The following CTTNBP2 variants were observed in gnomAD, a reference collection of about 807,000 sequenced individuals.
CTTNBP2 encodes cortactin binding protein 2.
A neutral mutation model predicts 156.9 loss-of-function variants in CTTNBP2; 108 were observed. The observed-to-expected ratio is 0.69, with a 90% CI of 0.59 to 0.81. CTTNBP2 has a LOEUF of 0.81. CTTNBP2 is among the 30% of genes least tolerant of loss of function. The pLI is 0.00. For missense variants in CTTNBP2, 1,924 were observed against 2,035.4 expected, an observed-to-expected ratio of 0.95 and a Z score of 1.05; for synonymous variants, 767 against 751.8, an observed-to-expected ratio of 1.02 and a Z score of -0.33.
In CTTNBP2 at chr7:117,792,523, C is replaced by T. The variant is rs980169533; in HGVS notation, c.673G>A (p.Ala225Thr). The change falls in exon 4 of 23, where the codon GCT (alanine) becomes ACT (threonine). Residue 225 changes from alanine (A) to threonine (T), a missense_variant. Physicochemically the swap from Ala to Thr is moderately conservative, Grantham distance 58 (BLOSUM62 0). Coordinates refer to ENST00000160373, the MANE Select transcript of CTTNBP2 (RefSeq NM_033427.3). The surrounding 1 kb of genome is among the most constrained non-coding windows in gnomAD (Gnocchi z 4.2). Reference protein sequence around the residue: ...AEKRRSTEMEAQMEKQLSEFD... With the variant: ...AEKRRSTEMETQMEKQLSEFD... Reference sequence around the variant, plus strand: ...TCAGAGAGTTGTTTTTCCATCTGAGCTTCCATTTCTGTGCTTCTTCGTTTC... The same window carrying T: ...TCAGAGAGTTGTTTTTCCATCTGAGTTTCCATTTCTGTGCTTCTTCGTTTC... 1.9e-6 allele frequency: 3 copies of T among 1,614,020 alleles called. No homozygotes were observed. Among genetic ancestry groups the T allele is most frequent in the Non-Finnish European group, 2.5e-6 (3 of 1,180,026 alleles).
At chr7:117,744,872 T>C (rs1484594528) in intron 14 of CTTNBP2, among the ~76,000 whole-genome samples, 1 of 152,208 alleles carries the variant, frequency 6.6e-6, no homozygotes, top group Non-Finnish European at 1.5e-5. Context: ...TCTATCTTCC[T>C]AAGCCTGGTC....
chr7:117,823,465 T>G (rs1373263071), intron 2 of CTTNBP2, among the ~76,000 whole-genome samples: 3 of 152,234 alleles, frequency 2.0e-5, no homozygotes, highest in Non-Finnish European at 4.4e-5. Context: ...AAGAAATATT[T>G]TTATATATTT....
chr7:117,870,862 T>G (rs957341482), intron 1 of CTTNBP2, among the ~76,000 whole-genome samples: 1 of 152,356 alleles, frequency 6.6e-6, no homozygotes, highest in Non-Finnish European at 1.5e-5. Flanking sequence ...AAACTTGGGA[T>G]GCTTTCAGGA....
chr7:117,733,693 G>A (rs960287967), intron 16 of CTTNBP2, among the ~76,000 whole-genome samples: 2 of 151,998 alleles, frequency 1.3e-5, no homozygotes, highest in African/African-American at 4.8e-5. Flanking sequence ...CATTAAATTA[G>A]GAATTTCAGA....
chr7:117,846,162 T>G (rs1802574505), intron 2 of CTTNBP2, among the ~76,000 whole-genome samples: 1 of 152,150 alleles, frequency 6.6e-6, no homozygotes, highest in Non-Finnish European at 1.5e-5. Context: ...TGTTAAATAT[T>G]TTGAATGCCA....
intron 16 of CTTNBP2, among the ~76,000 whole-genome samples, chr7:117,732,220 A>G (rs1795439193): frequency 1.3e-5 from 2 of 152,176 alleles, no homozygotes; most frequent in African/African-American, 4.8e-5. Flanking sequence ...TTTAAATAAC[A>G]CCATATAACA....
chr7:117,720,867 T>C (rs1274898568), intron 20 of CTTNBP2, among the ~76,000 whole-genome samples, 200 bp downstream of exon 20: 1 of 152,202 alleles, frequency 6.6e-6, no homozygotes, highest in Non-Finnish European at 1.5e-5. Context: ...TATATTAATC[T>C]TAACGAACAA....
chr7:117,856,098 C>T (rs1803297520), intron 2 of CTTNBP2, among the ~76,000 whole-genome samples: 1 of 152,166 alleles, frequency 6.6e-6, no homozygotes, highest in African/African-American at 2.4e-5. Context: ...TGCCCCAAGT[C>T]CTCCCTTCTT....
chr7:117,791,815 G>T lies in CTTNBP2; in HGVS notation c.1381C>A (p.Gln461Lys). The change falls in exon 4 of 23, where the codon CAA (glutamine) becomes AAA (lysine). Residue 461 changes from glutamine (Q) to lysine (K), a missense_variant. Physicochemically the swap from Gln to Lys is moderately conservative, Grantham distance 53. Coordinates refer to ENST00000160373, the MANE Select transcript of CTTNBP2 (RefSeq NM_033427.3). ...GGACTTTGGGTAGTATTTCCATTTT[G>T]GTCTGGGTCGTTAGCATTGCCCTGA... ...RFQGNANDPD[Q>K]NGNTTQSPPS... 2 of 1,614,178 alleles carry T rather than the reference G, an allele frequency of 1.2e-6. No homozygotes were observed. Among genetic ancestry groups the T allele is most frequent in the Non-Finnish European group, 8.5e-7 (1 of 1,180,032 alleles).
chr7:117,749,186 CA>C (rs1796494544), intron 12 of CTTNBP2, among the ~76,000 whole-genome samples: 1 of 152,070 alleles, frequency 6.6e-6, no homozygotes, highest in Non-Finnish European at 1.5e-5. Flanking sequence ...AGTATTCTTC[CA>C]GAGGTATATG....
chr7:117,793,489 C>CG, intron 3 of CTTNBP2: 1 of 152,490 alleles, frequency 6.6e-6, no homozygotes, highest in Non-Finnish European at 1.5e-5. Flanking sequence ...GGTCCTGCCT[C>CG]GGGGTCTTTG....
chr7:117,791,829 G>C lies in CTTNBP2; in HGVS notation c.1367C>G (p.Ala456Gly). 6.2e-7 allele frequency: 1 copy of C among 1,614,196 alleles called. No homozygotes were observed. The highest frequency in any genetic ancestry group is 8.5e-7 in the Non-Finnish European group (1 of 1,180,034). Residue 456 changes from alanine (A) to glycine (G), a missense_variant, in exon 4 of 23, where the codon GCT (alanine) becomes GGT (glycine). Transcript: ENST00000160373. ...ATTTCCATTTTGGTCTGGGTCGTTA[G>C]CATTGCCCTGAAATCTAAATCTAGC... ...QAARFRFQGNANDPDQNGNTT... is the reference protein window; with the variant it reads ...QAARFRFQGNGNDPDQNGNTT...
intron 8 of CTTNBP2, among the ~76,000 whole-genome samples, chr7:117,772,029 G>A (rs1457549859): frequency 1.3e-5 from 2 of 152,198 alleles, no homozygotes. Context: ...GGAGACAGAA[G>A]TGTGCCTAGG....
At position 117,716,313 on chromosome 7, in the gene CTTNBP2, GTTTC is replaced by G. The variant is rs149014540; in HGVS notation, c.4746+1701_4746+1704del. Among the ~76,000 whole-genome samples the G allele has an allele frequency of 6.5e-4, 98 of 151,890 alleles. 2 individuals carry two copies. The East Asian group carries it at 0.016, about 25-fold the overall frequency. On this transcript the variant is annotated intron_variant, in intron 22 of 22. Coordinates refer to ENST00000160373, the MANE Select transcript of CTTNBP2 (RefSeq NM_033427.3). Reference sequence around the variant, plus strand: ...GAGAAATAGGGGTATGACAATGTTTGTTTCTTTATTAGACATTTAAGCAGCAGCC... The same window carrying G: ...GAGAAATAGGGGTATGACAATGTTTGTTTATTAGACATTTAAGCAGCAGCC...
At chr7:117,790,061 A>G (rs1798908592) in intron 4 of CTTNBP2, among the ~76,000 whole-genome samples, 2 of 152,204 alleles carry the variant, frequency 1.3e-5, no homozygotes, top group Admixed American at 1.3e-4. Flanking sequence ...TATTAAATAT[A>G]ACAACTGTTC....
At chr7:117,866,383 C>T (rs1339356763) in intron 1 of CTTNBP2, among the ~76,000 whole-genome samples, 2 of 152,296 alleles carry the variant, frequency 1.3e-5, no homozygotes, top group East Asian at 3.9e-4. Context: ...ATGGCAGAGA[C>T]ACCCCTCAGA....
At chr7:117,767,210 C>T in intron 8 of CTTNBP2, 34 bp from the exon 9 acceptor site, 2 of 1,173,888 alleles carry the variant, frequency 1.7e-6, no homozygotes, top group South Asian at 2.4e-5. Flanking sequence ...CCTCCAAGTC[C>T]AAATGAATTA....
At chr7:117,818,927 C>A (rs575562448) in intron 2 of CTTNBP2, among the ~76,000 whole-genome samples, 2 of 152,272 alleles carry the variant, frequency 1.3e-5, no homozygotes, top group Non-Finnish European at 2.9e-5. Context: ...GGAACAAAAT[C>A]TCTGTCTCCA....
chr7:117,718,375 G>GA (rs960876388), intron 21 of CTTNBP2, among the ~76,000 whole-genome samples: 24 of 151,508 alleles, frequency 1.6e-4, no homozygotes, highest in Non-Finnish European at 2.8e-4. Context: ...ACTCTCTAGG[G>GA]AAAAAAAAGG....
Sources: allele counts gnomAD v4.1 joint callset (sites outside exome capture counted in the v4.1 genomes callset), GRCh38; gene constraint gnomAD v4.1.1; non-coding constraint Gnocchi (gnomAD v3.1); transcripts MANE v1.5; gene names NCBI Gene and HGNC (gene_info 2026-07-23, HGNC 2026-07-21).